The following ENAH variants were observed in gnomAD, a reference collection of about 807,000 sequenced individuals.
ENAH encodes protein enabled homolog.
ENAH carries 23 observed loss-of-function variants against 78.7 expected under a neutral mutation model. The observed-to-expected ratio is 0.29, with a 90% CI of 0.21 to 0.41. The LOEUF (loss-of-function observed/expected upper bound fraction) is 0.41, where lower values mean the gene tolerates loss of function less well. ENAH is among the 10% of genes least tolerant of loss of function. The probability of loss-of-function intolerance (pLI) is 1.00; values close to 1 mark genes in which losing one functional copy is unlikely to be tolerated. For synonymous variants in ENAH, 226 were observed against 241.0 expected (o/e 0.94, Z 0.58); for missense variants, 544 against 691.0 (o/e 0.79, Z 2.39).
intron 1 of ENAH, among the ~76,000 whole-genome samples, chr1:225,608,451 T>C (rs1450710890): frequency 6.6e-6 from 1 of 151,114 alleles, no homozygotes; most frequent in Admixed American, 6.6e-5. Flanking sequence ...AATATCATTA[T>C]AAAATTTCAG....
chr1:225,646,402 C>T (rs192506470), intron 1 of ENAH, among the ~76,000 whole-genome samples: 4 of 152,174 alleles, frequency 2.6e-5, no homozygotes, highest in African/African-American at 7.2e-5. Context: ...GATTCCCATA[C>T]CCACCCTACC....
chr1:225,514,584 A>G lies in ENAH; in HGVS notation c.1218+12T>C. 6.2e-7 allele frequency: 1 copy of G among 1,609,014 alleles called. No homozygotes were observed. The highest frequency in any genetic ancestry group is 8.5e-7 in the Non-Finnish European group (1 of 1,177,980). On this transcript the variant is annotated intron_variant, in intron 7 of 13. Transcript: ENST00000366843. ...AAGACATATTAAAAAAATTTTTCAG[A>G]AAGGTATTTACCCGTGACACTTTCC...
chr1:225,638,084 A>G (rs1340722980), intron 1 of ENAH, among the ~76,000 whole-genome samples: 1 of 152,224 alleles, frequency 6.6e-6, no homozygotes, highest in East Asian at 1.9e-4. Flanking sequence ...AAAACAAGGC[A>G]ATGAATTATT....
chr1:225,576,858 G>C (rs1289588772), intron 1 of ENAH, among the ~76,000 whole-genome samples: 3 of 152,184 alleles, frequency 2.0e-5, no homozygotes. Flanking sequence ...TTCTGGGCCA[G>C]GCACAGTGGC....
intron 11 of ENAH, among the ~76,000 whole-genome samples, chr1:225,503,153 G>A (rs534396271): frequency 6.6e-6 from 1 of 152,140 alleles, no homozygotes; most frequent in Non-Finnish European, 1.5e-5. Context: ...TAACTAAAGG[G>A]GGGAACTTTT....
Position 225,519,385 on chromosome 1 carries a change from CTCCAGGCGT to C in ENAH, c.606_614del (p.Leu204_Arg206del). The C allele has an allele frequency of 6.5e-7, 1 of 1,544,050 alleles. No individual in the cohort carries two copies. Among genetic ancestry groups the C allele is most frequent in the Non-Finnish European group, 8.9e-7 (1 of 1,125,642 alleles). ...CCTGCCGCTCCAGGCGTTCCTGCCG[CTCCAGGCGT>C]TCCTGCCGTTCCCGTTCTTGTCTCT... On this transcript the variant is annotated inframe_deletion, in exon 5 of 14. Coordinates refer to ENST00000366843, the MANE Select transcript of ENAH (RefSeq NM_018212.6).
intron 4 of ENAH, among the ~76,000 whole-genome samples, chr1:225,525,979 G>C (rs886996038): frequency 6.6e-5 from 10 of 152,100 alleles, no homozygotes; most frequent in Admixed American, 1.3e-4. Context: ...TACAGCCCTA[G>C]GGCCAAATCT....
At chr1:225,639,452 A>G (rs1482521227) in intron 1 of ENAH, among the ~76,000 whole-genome samples, 1 of 152,134 alleles carries the variant, frequency 6.6e-6, no homozygotes, top group Non-Finnish European at 1.5e-5. Context: ...CAATCGATTA[A>G]TAACATTATG....
At chr1:225,566,315 CG>C (rs2096734889) in intron 2 of ENAH, among the ~76,000 whole-genome samples, 1 of 152,024 alleles carries the variant, frequency 6.6e-6, no homozygotes, top group African/African-American at 2.4e-5. Context: ...CCCAACCTCT[CG>C]TAGGCCCACA....
chr1:225,646,354 G>A (rs960582068), intron 1 of ENAH, among the ~76,000 whole-genome samples: 1 of 151,944 alleles, frequency 6.6e-6, no homozygotes, highest in Non-Finnish European at 1.5e-5. Context: ...ATGAAATGAG[G>A]AGGAGAGAGA....
intron 1 of ENAH, among the ~76,000 whole-genome samples, chr1:225,572,932 T>C (rs1269102370): frequency 6.6e-6 from 1 of 152,172 alleles, no homozygotes; most frequent in Non-Finnish European, 1.5e-5. Flanking sequence ...AGATAGCTGG[T>C]TTAAAAGAAG....
In ENAH at chr1:225,519,381, G is replaced by A. The variant is rs2096448579; in HGVS notation, c.619C>T (p.Gln207Ter). The A allele has an allele frequency of 6.2e-7, 1 of 1,611,948 alleles. No homozygotes were observed. The change falls in exon 5 of 14, where the codon CAG (glutamine) becomes TAG (stop). Residue 207 changes from glutamine to a stop codon, truncating the protein, a stop_gained. Transcript: ENST00000366843. LOFTEE classifies it high-confidence loss of function. ...CGTTCCTGCCGCTCCAGGCGTTCCT[G>A]CCGCTCCAGGCGTTCCTGCCGTTCC... ...ERERQERLERQERLERQERLE... is the reference protein window; with the variant it reads ...ERERQERLER
Position 225,519,316 on chromosome 1 carries a change from T to G in ENAH, c.684A>C (p.Glu228Asp). 1 of 1,610,096 alleles carries G rather than the reference T, an allele frequency of 6.2e-7. No individual in the cohort carries two copies. The highest frequency in any genetic ancestry group is 8.5e-7 in the Non-Finnish European group (1 of 1,178,628). ...TCTCCAGCCTCTCTCGTTCTTGTCT[T>G]TCTTGCCTCTCCCGATCCAGGCGTT... Reference protein sequence around the residue: ...RQERLDRERQERQERERLERL... With the variant: ...RQERLDRERQDRQERERLERL... Residue 228 changes from glutamate (E) to aspartate (D), a missense_variant, in exon 5 of 14, where the codon GAA (glutamate) becomes GAC (aspartate). Physicochemically the swap from Glu to Asp is conservative, Grantham distance 45. Transcript: ENST00000366843.
chr1:225,522,130 AC>A (rs1464604249), intron 4 of ENAH, among the ~76,000 whole-genome samples: 1 of 152,140 alleles, frequency 6.6e-6, no homozygotes, highest in Non-Finnish European at 1.5e-5. Flanking sequence ...TCAAATTGGG[AC>A]TTTCTGGACT....
In ENAH at chr1:225,496,317, ATTCCTTCTTCCCACC is replaced by A. The variant is rs371226343; in HGVS notation, c.*1443_*1457del. ...CGCAGAGTGGCAGGCAGAGTGTCTAATTCCTTCTTCCCACCTTCCTTCTTCCCACCACCCAAGTCT... is the reference window on the plus strand; with the variant it reads ...CGCAGAGTGGCAGGCAGAGTGTCTAATTCCTTCTTCCCACCACCCAAGTCT... On this transcript the variant is annotated 3_prime_UTR_variant, in exon 14 of 14. Transcript: ENST00000366843. 1.1e-3 allele frequency: 161 copies of A among 152,324 alleles called. No individual in the cohort carries two copies. Among genetic ancestry groups the A allele is most frequent in the African/African-American group, 3.6e-3 (149 of 41,554 alleles). The allele number at this position is 152,324 out of a possible 1,614,324, so 9.4% of individuals were successfully genotyped here. A position where few individuals can be genotyped will look rare whatever the true frequency, so the allele number is the denominator to read the frequency against.
In ENAH at chr1:225,488,699, G is replaced by C. The variant is rs1280649312; in HGVS notation, c.*9076C>G. On this transcript the variant is annotated 3_prime_UTR_variant, in exon 14 of 14. Transcript: ENST00000366843. Reference sequence around the variant, plus strand: ...CGAAAAGCATGTCCTATTCATGCTAGCAAGAAATGAATCCCAAAGGACACG... The same window carrying C: ...CGAAAAGCATGTCCTATTCATGCTACCAAGAAATGAATCCCAAAGGACACG... 1 of 152,194 alleles carries C rather than the reference G, an allele frequency of 6.6e-6. No homozygotes were observed. The highest frequency in any genetic ancestry group is 1.9e-4 in the East Asian group (1 of 5,192). The allele number at this position is 152,194 out of a possible 1,614,324, so 9.4% of individuals were successfully genotyped here. A position where few individuals can be genotyped will look rare whatever the true frequency, so the allele number is the denominator to read the frequency against.
intron 1 of ENAH, among the ~76,000 whole-genome samples, chr1:225,643,368 T>C (rs1446884429): frequency 1.3e-5 from 2 of 151,068 alleles, no homozygotes; most frequent in African/African-American, 4.9e-5. Context: ...AATGATAGAC[T>C]GGATACAGAA....
At chr1:225,591,267 G>A (rs575269596) in intron 1 of ENAH, among the ~76,000 whole-genome samples, 39 of 152,186 alleles carry the variant, frequency 2.6e-4, no homozygotes, top group South Asian at 1.5e-3. Context: ...TCAGGAGTTC[G>A]AGACCAGTCT....
At chr1:225,520,481 T>C (rs989796699) in intron 4 of ENAH, among the ~76,000 whole-genome samples, 5 of 152,058 alleles carry the variant, frequency 3.3e-5, no homozygotes, top group Non-Finnish European at 7.4e-5. Flanking sequence ...TGTGTAAAAA[T>C]ACACATATAA....
Sources: allele counts gnomAD v4.1 joint callset (sites outside exome capture counted in the v4.1 genomes callset), GRCh38; gene constraint gnomAD v4.1.1; transcripts MANE v1.5; gene names NCBI Gene and HGNC (gene_info 2026-07-23, HGNC 2026-07-21).